Variants in NIN observed in about 807,000 individuals in gnomAD.
The protein encoded by NIN is ninein, also known as glycogen synthase kinase 3 beta-interacting protein.
NIN carries 137 observed loss-of-function variants against 257.6 expected under a neutral mutation model. The ratio of observed to expected loss-of-function variants is 0.53; its 90% CI spans 0.46 to 0.61. The LOEUF is 0.61. Ranked by LOEUF, NIN falls within the 20% of genes least tolerant of loss-of-function variation. NIN has a pLI of 0.00. For missense variants in NIN, 2,439 were observed against 2,501.2 expected, an observed-to-expected ratio of 0.98 and a Z score of 0.53; for synonymous variants, 918 against 919.8, an observed-to-expected ratio of 1.00 and a Z score of 0.04.
intron 29 of NIN, 128 bp downstream of exon 29, chr14:50,729,394 CA>C: frequency 1.2e-6 from 1 of 839,354 alleles, no homozygotes; most frequent in Non-Finnish European, 1.8e-6. Flanking sequence ...CTCAGCCTCC[CA>C]AGTAGCTGGG....
At chr14:50,748,373 T>C (rs958058434) in intron 21 of NIN, among the ~76,000 whole-genome samples, 1 of 152,216 alleles carries the variant, frequency 6.6e-6, no homozygotes, top group African/African-American at 2.4e-5. Context: ...AGTATCATAA[T>C]GGGCAAAAGC....
intron 4 of NIN, chr14:50,806,056 A>G (rs1039881099): frequency 6.6e-6 from 1 of 152,250 alleles, no homozygotes; most frequent in African/African-American, 2.4e-5. Flanking sequence ...GAGAATTTAC[A>G]ATTAATGTCA....
intron 15 of NIN, 111 bp downstream of exon 15, chr14:50,763,715 T>A: frequency 1.2e-4 from 5 of 41,730 alleles, no homozygotes; most frequent in Non-Finnish European, 1.8e-4. Flanking sequence ...GCCAAATTCT[T>A]TTTTTTTTTT....
intron 18 of NIN, among the ~76,000 whole-genome samples, chr14:50,755,415 A>G (rs538281675): frequency 6.6e-6 from 1 of 151,998 alleles, no homozygotes; most frequent in South Asian, 2.1e-4. Context: ...AACTACATTC[A>G]GAATTAAATT....
chr14:50,738,318 C>T (rs778443839), intron 26 of NIN, 32 bp from the exon 27 acceptor site: 1 of 1,597,082 alleles, frequency 6.3e-7, no homozygotes, highest in Admixed American at 1.7e-5. Context: ...GGAAAAAATG[C>T]TAATACAATC....
At chr14:50,738,051 T>C (rs2041084667) in intron 27 of NIN, 89 bp downstream of exon 27, 4 of 1,318,986 alleles carry the variant, frequency 3.0e-6, no homozygotes, top group Admixed American at 4.3e-5. Flanking sequence ...TCGTAATCAT[T>C]TCCTTAGAAG....
At chr14:50,804,629 A>C (rs1473507644) in intron 4 of NIN, among the ~76,000 whole-genome samples, 1 of 152,190 alleles carries the variant, frequency 6.6e-6, no homozygotes, top group African/African-American at 2.4e-5. Flanking sequence ...TGAAACCACC[A>C]TCTGGAGCCA....
At chr14:50,739,266 C>A (rs746545447) in intron 26 of NIN, 42 bp downstream of exon 26, 5 of 1,586,784 alleles carry the variant, frequency 3.2e-6, no homozygotes, top group Admixed American at 1.7e-5. Flanking sequence ...TCAAACTAGT[C>A]ATTTTCAAAC....
chr14:50,739,302 A>C lies in NIN; in HGVS notation c.5628+6T>G. The C allele has an allele frequency of 6.2e-7, 1 of 1,613,172 alleles. No individual in the cohort carries two copies. Among genetic ancestry groups the C allele is most frequent in the African/African-American group, 1.3e-5 (1 of 75,012 alleles). On this transcript the variant is annotated splice_donor_region_variant and intron_variant, in intron 26 of 30. Transcript: ENST00000530997. ...ATATGCCATGATGTGCAGCTTCTCCAATTACCTTCTCCCGGGAGTGCGTGA... is the reference window on the plus strand; with the variant it reads ...ATATGCCATGATGTGCAGCTTCTCCCATTACCTTCTCCCGGGAGTGCGTGA...
chr14:50,720,480 G>A lies in NIN; in HGVS notation c.*2983C>T, dbSNP rs1452620517. 2 of 210,036 alleles carry A rather than the reference G, an allele frequency of 9.5e-6. No individual in the cohort carries two copies. The highest frequency in any genetic ancestry group is 1.9e-5 in the Non-Finnish European group (2 of 103,150). The allele number at this position is 210,036 out of a possible 1,614,324, so 13.0% of individuals were successfully genotyped here. A position where few individuals can be genotyped will look rare whatever the true frequency, so the allele number is the denominator to read the frequency against. Reference sequence around the variant, plus strand: ...CAGTTTCTCATAATATCTGCCCTGGGTAATAGTGCATTATTAAAATACTAG... The same window carrying A: ...CAGTTTCTCATAATATCTGCCCTGGATAATAGTGCATTATTAAAATACTAG... On this transcript the variant is annotated 3_prime_UTR_variant, in exon 31 of 31. Coordinates refer to ENST00000530997, the MANE Select transcript of NIN (RefSeq NM_020921.4).
chr14:50,822,225 A>C, intron 2 of NIN, 148 bp from the exon 3 acceptor site: 2 of 622,328 alleles, frequency 3.2e-6, no homozygotes, highest in East Asian at 2.7e-5. Context: ...CCACAGCAAG[A>C]CCCCCAGTCT....
chr14:50,767,556 G>A (rs1244291555), intron 12 of NIN, among the ~76,000 whole-genome samples: 6 of 152,114 alleles, frequency 3.9e-5, no homozygotes, highest in South Asian at 4.1e-4. Context: ...AGTGGCTCAC[G>A]CCTGTAATCC....
At chr14:50,784,649 G>A (rs1418679466) in intron 5 of NIN, among the ~76,000 whole-genome samples, 1 of 152,186 alleles carries the variant, frequency 6.6e-6, no homozygotes, top group Non-Finnish European at 1.5e-5. Context: ...GCCTTGATAT[G>A]TTAATTGGCT....
At chr14:50,731,819 C>T (rs2040719806) in intron 28 of NIN, among the ~76,000 whole-genome samples, 1 of 152,048 alleles carries the variant, frequency 6.6e-6, no homozygotes, top group Admixed American at 6.6e-5. Flanking sequence ...AGCGAGACTC[C>T]GTTTAAAAAT....
At chr14:50,753,507 T>C (rs1252803252) in intron 20 of NIN, among the ~76,000 whole-genome samples, 1 of 145,708 alleles carries the variant, frequency 6.9e-6, no homozygotes, top group African/African-American at 2.4e-5. Flanking sequence ...ATAATGCATT[T>C]ATCTGTTCCC....
At chr14:50,732,737 T>G (rs200313071) in intron 28 of NIN, among the ~76,000 whole-genome samples, 17 of 150,994 alleles carry the variant, frequency 1.1e-4, no homozygotes, top group East Asian at 7.8e-4. Context: ...GTTTTTTGGG[T>G]TTTTTTTTGA....
At position 50,770,833 on chromosome 14, in the gene NIN, C is replaced by A; in HGVS notation, c.1259+19G>T. 6.2e-7 allele frequency: 1 copy of A among 1,607,386 alleles called. No homozygotes were observed. Among genetic ancestry groups the A allele is most frequent in the Non-Finnish European group, 8.5e-7 (1 of 1,176,894 alleles). On this transcript the variant is annotated intron_variant, in intron 11 of 30. Coordinates refer to ENST00000530997, the MANE Select transcript of NIN (RefSeq NM_020921.4). The stretch of plus-strand genomic sequence containing the variant: ...GCCAGGGTGGTGGGTGAGGAGGAGC[C>A]TCACTCTGCTGGCCTCACCTGAGGT...
Position 50,748,058 on chromosome 14 carries a change from T to TTTA in NIN, c.4995_4997dup (p.Val1665_Lys1666insAsn). 1 of 1,614,084 alleles carries TTTA rather than the reference T, an allele frequency of 6.2e-7. No homozygotes were observed. Among genetic ancestry groups the TTTA allele is most frequent in the Non-Finnish European group, 8.5e-7 (1 of 1,179,952 alleles). On this transcript the variant is annotated inframe_insertion, in exon 22 of 31. Coordinates refer to ENST00000530997, the MANE Select transcript of NIN (RefSeq NM_020921.4). ...CCTGTTGCACAATATGGGTCTGTAT[T>TTTA]TTAACTTCAGAGAGCTCCGCCTCCA...
intron 20 of NIN, among the ~76,000 whole-genome samples, 177 bp from the exon 21 acceptor site, chr14:50,752,910 G>T (rs956198676): frequency 6.6e-6 from 1 of 151,870 alleles, no homozygotes; most frequent in Admixed American, 6.6e-5. Flanking sequence ...CCATTCACAA[G>T]TGTATGAAGA....
Sources: allele counts gnomAD v4.1 joint callset (sites outside exome capture counted in the v4.1 genomes callset), GRCh38; gene constraint gnomAD v4.1.1; transcripts MANE v1.5; gene names NCBI Gene and HGNC (gene_info 2026-07-23, HGNC 2026-07-21).